KLF12: variants seen among roughly 807,000 people sequenced by gnomAD.
The protein encoded by KLF12 is Krueppel-like factor 12.
Under a neutral mutation model 37.8 loss-of-function variants are expected in KLF12, and 9 were observed. The ratio of observed to expected loss-of-function variants is 0.24; its 90% confidence interval spans 0.14 to 0.42. KLF12 has a LOEUF of 0.42. KLF12 is among the 10% of genes least tolerant of loss of function. KLF12 has a pLI of 1.00. For synonymous variants in KLF12, 208 were observed against 202.1 expected, an observed-to-expected ratio of 1.03 and a Z score of -0.25; for missense variants, 411 against 516.0, an observed-to-expected ratio of 0.80 and a Z score of 1.97.
At chr13:74,162,025 T>G in the KLF12 span, among the ~76,000 whole-genome samples, 5 of 152,236 alleles carry the variant, frequency 3.3e-5, no homozygotes, top group Non-Finnish European at 7.3e-5. Context: ...GACTATCAGA[T>G]AGAGTTCATT....
the KLF12 span, among the ~76,000 whole-genome samples, chr13:74,164,314 G>A: frequency 5.3e-5 from 8 of 152,016 alleles, no homozygotes; most frequent in African/African-American, 1.9e-4. Flanking sequence ...ATTAATCAAA[G>A]TCAATATGGA....
At chr13:74,203,257 T>C in the KLF12 span, among the ~76,000 whole-genome samples, 1 of 152,034 alleles carries the variant, frequency 6.6e-6, no homozygotes, top group Non-Finnish European at 1.5e-5. Flanking sequence ...TAGACTTGGG[T>C]GTCATTACAC....
intron 2 of KLF12, among the ~76,000 whole-genome samples, chr13:73,982,382 A>C (rs568132030): frequency 3.6e-4 from 55 of 152,272 alleles, no homozygotes; most frequent in African/African-American, 1.3e-3. Context: ...TTGAAAGGTA[A>C]ATGTACACTT....
At chr13:73,722,772 C>T (rs879147329) in intron 6 of KLF12, among the ~76,000 whole-genome samples, 2 of 152,138 alleles carry the variant, frequency 1.3e-5, no homozygotes, top group Non-Finnish European at 2.9e-5. Context: ...TTCAAACTAG[C>T]GTTTGGCAAG....
At chr13:74,038,124 G>A (rs1893306995) in intron 1 of KLF12, among the ~76,000 whole-genome samples, 1 of 152,128 alleles carries the variant, frequency 6.6e-6, no homozygotes. Flanking sequence ...AAGATCTGTG[G>A]ATTATACCAA....
chr13:74,033,697 A>T (rs1893171982), intron 1 of KLF12, among the ~76,000 whole-genome samples: 1 of 152,184 alleles, frequency 6.6e-6, no homozygotes, highest in South Asian at 2.1e-4. Context: ...TCCCTATTAC[A>T]CATTTTGATT....
chr13:73,850,365 C>A (rs2138719086), intron 3 of KLF12, among the ~76,000 whole-genome samples: 1 of 152,180 alleles, frequency 6.6e-6, no homozygotes, highest in South Asian at 2.1e-4. Context: ...CAGCTTTAGG[C>A]ATTTTGTTGA....
intron 5 of KLF12, among the ~76,000 whole-genome samples, chr13:73,768,689 T>C (rs1350467463): frequency 6.6e-6 from 1 of 152,190 alleles, no homozygotes; most frequent in African/African-American, 2.4e-5. Context: ...CCCTTACTAT[T>C]TGCTTGGTAT....
intron 1 of KLF12, among the ~76,000 whole-genome samples, chr13:74,010,323 A>G (rs1164487398): frequency 6.6e-6 from 1 of 152,204 alleles, no homozygotes; most frequent in Admixed American, 6.5e-5. Context: ...GGGGCCTCAG[A>G]AGTTACTGGA....
intron 7 of KLF12, among the ~76,000 whole-genome samples, chr13:73,712,291 T>G (rs552036170): frequency 1.4e-5 from 2 of 145,630 alleles, no homozygotes; most frequent in African/African-American, 5.3e-5. Flanking sequence ...TAAGCCGAGA[T>G]TGCGCCATTG....
At chr13:73,890,191 C>T (rs1281811530) in intron 3 of KLF12, among the ~76,000 whole-genome samples, 1 of 151,962 alleles carries the variant, frequency 6.6e-6, no homozygotes, top group East Asian at 1.9e-4. Context: ...CACTGTATTC[C>T]TTATTTTCTG....
intron 6 of KLF12, among the ~76,000 whole-genome samples, chr13:73,741,934 T>C (rs900625731): frequency 6.6e-6 from 1 of 152,190 alleles, no homozygotes; most frequent in Non-Finnish European, 1.5e-5. Context: ...GGACTATCTC[T>C]ACTGTCATCT....
At chr13:74,171,302 G>T in the KLF12 span, among the ~76,000 whole-genome samples, 8 of 152,154 alleles carry the variant, frequency 5.3e-5, no homozygotes, top group Non-Finnish European at 1.0e-4. Context: ...ATCTTCTTGA[G>T]GGTCCTTAAG....
Position 74,080,288 on chromosome 13 carries a change from T to TA in KLF12, c.-32+53450_-32+53451insT, listed in dbSNP as rs1329695188. On this transcript the variant is annotated intron_variant, in intron 1 of 7. Transcript: ENST00000377669. Reference sequence around the variant, plus strand: ...TCCATTTCTACAAAAAAAAGTTGTTTTTTTTTTAAGTTAGCTGGACATGGT... The same window carrying TA: ...TCCATTTCTACAAAAAAAAGTTGTTTATTTTTTTAAGTTAGCTGGACATGGT... Among the ~76,000 whole-genome samples the TA allele has an allele frequency of 2.0e-5, 3 of 151,882 alleles. No homozygotes were observed. In the East Asian group the frequency reaches 5.8e-4, roughly 29 times the overall value.
chr13:74,154,094 G>T, the KLF12 span, among the ~76,000 whole-genome samples: 1 of 151,728 alleles, frequency 6.6e-6, no homozygotes, highest in Non-Finnish European at 1.5e-5. Context: ...AATTAGCTGG[G>T]CATGGTGGCA....
chr13:73,781,235 T>C (rs533914647), intron 5 of KLF12, among the ~76,000 whole-genome samples: 34 of 152,384 alleles, frequency 2.2e-4, no homozygotes, highest in African/African-American at 7.9e-4. Context: ...TACAATGTTA[T>C]TGCACACTTC....
chr13:74,082,610 C>G (rs138759881), intron 1 of KLF12, among the ~76,000 whole-genome samples: 1 of 152,062 alleles, frequency 6.6e-6, no homozygotes, highest in East Asian at 1.9e-4. Context: ...TAAGAAAGAC[C>G]AAATACAAGT....
At chr13:74,192,819 T>C in the KLF12 span, among the ~76,000 whole-genome samples, 1 of 152,166 alleles carries the variant, frequency 6.6e-6, no homozygotes, top group Non-Finnish European at 1.5e-5. Context: ...GCACAGATTT[T>C]CCAAGAAAAT....
intron 1 of KLF12, among the ~76,000 whole-genome samples, chr13:74,002,879 A>C (rs891461824): frequency 5.3e-5 from 8 of 152,334 alleles, no homozygotes; most frequent in Middle Eastern, 3.4e-3. Context: ...ATCAACAATA[A>C]TACTCCATGG....
Sources: allele counts gnomAD v4.1 joint callset (sites outside exome capture counted in the v4.1 genomes callset), GRCh38; gene constraint gnomAD v4.1.1; transcripts MANE v1.5; gene names NCBI Gene and HGNC (gene_info 2026-07-23, HGNC 2026-07-21).